The following MAP1B variants were observed in gnomAD, a reference collection of about 807,000 sequenced individuals.
MAP1B encodes microtubule-associated protein 1B.
In MAP1B, 12 loss-of-function variants were observed where a neutral mutation model predicts 176.1. The observed-to-expected ratio is 0.07, with a 90% CI of 0.04 to 0.11. The LOEUF is 0.11. Among genes scored for constraint, MAP1B ranks in the 10% least tolerant of loss-of-function variants. The pLI is 1.00. For missense variants in MAP1B, 2,523 were observed against 2,990.5 expected (o/e 0.84, Z 3.65); for synonymous variants, 1,044 against 1,135.0 (o/e 0.92, Z 1.61).
rs998772542 is a variant in MAP1B at position 72,205,752 on chromosome 5, C to A, written c.*513C>A. The stretch of plus-strand genomic sequence containing the variant: ...GGAGAAAATAAACCAACAATTAGGT[C>A]TGCATTTTCTCAGGCAGTAGGCATT... On this transcript the variant is annotated 3_prime_UTR_variant, in exon 7 of 7. Coordinates refer to ENST00000296755, the MANE Select transcript of MAP1B (RefSeq NM_005909.5). 6.6e-6 allele frequency: 1 copy of A among 152,330 alleles called. No homozygotes were observed. Among genetic ancestry groups the A allele is most frequent in the African/African-American group, 2.4e-5 (1 of 41,418 alleles). 9.4% of individuals were successfully genotyped at this position (152,330 alleles called of 1,614,324 possible).
intron 2 of MAP1B, among the ~76,000 whole-genome samples, chr5:72,154,140 G>A (rs1462985598): frequency 1.3e-5 from 2 of 151,934 alleles, no homozygotes; most frequent in Non-Finnish European, 1.5e-5. Flanking sequence ...TTTATGACTC[G>A]TCTCTTATTC....
At chr5:72,125,288 T>A (rs1156852502) in intron 2 of MAP1B, among the ~76,000 whole-genome samples, 1 of 152,168 alleles carries the variant, frequency 6.6e-6, no homozygotes, top group Non-Finnish European at 1.5e-5. Flanking sequence ...AAGTGCCTTG[T>A]AGTTAGTTTA....
In MAP1B at chr5:72,196,295, G is replaced by C. The variant is rs138902848; in HGVS notation, c.2940G>C (p.Ala980=). 2 of 1,614,096 alleles carry C rather than the reference G, an allele frequency of 1.2e-6. No individual in the cohort carries two copies. Among genetic ancestry groups the C allele is most frequent in the Non-Finnish European group, 1.7e-6 (2 of 1,180,022 alleles). The change falls in exon 5 of 7, where the codon GCG becomes GCC. Residue 980 remains alanine, a synonymous_variant. Coordinates refer to ENST00000296755, the MANE Select transcript of MAP1B (RefSeq NM_005909.5). The surrounding 1 kb of genome is among the most constrained non-coding windows in gnomAD (Gnocchi z 5.3). ...SPTEDEESAK[A]EADAYIREKR... is the part of the protein sequence containing the mutation. ...CTGAGGATGAGGAAAGTGCCAAGGC[G>C]GAGGCTGATGCATACATCAGGGAGA...
chr5:72,171,081 C>T (rs1746527703), intron 2 of MAP1B, among the ~76,000 whole-genome samples: 1 of 152,074 alleles, frequency 6.6e-6, no homozygotes, highest in Admixed American at 6.6e-5. Context: ...GTCAGGACAA[C>T]ATAGAGTAGG....
intron 2 of MAP1B, among the ~76,000 whole-genome samples, chr5:72,175,461 C>T (rs1489624734): frequency 6.6e-6 from 1 of 152,150 alleles, no homozygotes; most frequent in Admixed American, 6.5e-5. Context: ...GCTGGTTCTA[C>T]TTAGGTGCCC....
intron 2 of MAP1B, among the ~76,000 whole-genome samples, chr5:72,130,641 G>A (rs1021559871): frequency 1.3e-5 from 2 of 152,292 alleles, no homozygotes; most frequent in Non-Finnish European, 2.9e-5. Flanking sequence ...CAGTCTAGAA[G>A]CTCTGGTAAA....
intron 2 of MAP1B, among the ~76,000 whole-genome samples, chr5:72,177,997 A>G (rs1160624061): frequency 6.6e-6 from 1 of 151,562 alleles, no homozygotes; most frequent in Non-Finnish European, 1.5e-5. Flanking sequence ...TTCTAATGAA[A>G]AGAGACTTCA....
At chr5:72,185,690 A>T (rs1358635986) in intron 3 of MAP1B, among the ~76,000 whole-genome samples, 1 of 151,956 alleles carries the variant, frequency 6.6e-6, no homozygotes, top group East Asian at 1.9e-4. Flanking sequence ...AAAATATGGA[A>T]TTTTATAAAA....
At chr5:72,175,219 C>G (rs1292987792) in intron 2 of MAP1B, among the ~76,000 whole-genome samples, 1 of 151,840 alleles carries the variant, frequency 6.6e-6, no homozygotes, top group Non-Finnish European at 1.5e-5. Context: ...CGTGCACCAC[C>G]ATGCCTGACG....
intron 2 of MAP1B, among the ~76,000 whole-genome samples, chr5:72,151,447 A>G (rs1746139076): frequency 6.6e-6 from 1 of 152,202 alleles, no homozygotes; most frequent in African/African-American, 2.4e-5. Context: ...ATCATAGAAC[A>G]TAAAGTGAAG....
At chr5:72,165,560 C>A (rs1746411940) in intron 2 of MAP1B, among the ~76,000 whole-genome samples, 1 of 152,010 alleles carries the variant, frequency 6.6e-6, no homozygotes, top group South Asian at 2.1e-4. Context: ...CTGTTCCTGG[C>A]CAAAAACCAG....
chr5:72,110,912 A>G (rs1156792391), intron 1 of MAP1B, among the ~76,000 whole-genome samples: 3 of 152,220 alleles, frequency 2.0e-5, no homozygotes, highest in East Asian at 1.9e-4. Context: ...TCTTGAAACC[A>G]GGGAAGAGAG....
chr5:72,205,305 C>G lies in MAP1B; in HGVS notation c.*66C>G, dbSNP rs1057441356. 2.1e-5 allele frequency: 32 copies of G among 1,525,008 alleles called. No individual in the cohort carries two copies. Among genetic ancestry groups the G allele is most frequent in the Non-Finnish European group, 4.5e-6 (5 of 1,119,912 alleles). 94.5% of individuals were successfully genotyped at this position (1,525,008 alleles called of 1,614,324 possible). A position where few individuals can be genotyped will look rare whatever the true frequency, so the allele number is the denominator to read the frequency against. On this transcript the variant is annotated 3_prime_UTR_variant, in exon 7 of 7. Coordinates refer to ENST00000296755, the MANE Select transcript of MAP1B (RefSeq NM_005909.5). ...CCAGAAATTCTTCAATTTGAAATCA[C>G]CTTTTCTAAAAAGTCAATTCATCTA...
chr5:72,163,381 A>G (rs1746364002), intron 2 of MAP1B, among the ~76,000 whole-genome samples: 1 of 152,018 alleles, frequency 6.6e-6, no homozygotes, highest in Non-Finnish European at 1.5e-5. Flanking sequence ...AAAAGAAGGG[A>G]GGATGTGTGA....
At chr5:72,143,913 TC>T (rs1182350023) in intron 2 of MAP1B, among the ~76,000 whole-genome samples, 1 of 152,164 alleles carries the variant, frequency 6.6e-6, no homozygotes. Context: ...GGTCTTGAAC[TC>T]CTAGGCTCAA....
intron 4 of MAP1B, among the ~76,000 whole-genome samples, chr5:72,192,107 A>T (rs545175606): frequency 6.6e-6 from 1 of 152,360 alleles, no homozygotes; most frequent in South Asian, 2.1e-4. Context: ...TACAGCAGTT[A>T]TTCTAGATTT....
At chr5:72,153,115 C>T (rs557537981) in intron 2 of MAP1B, among the ~76,000 whole-genome samples, 32 of 152,276 alleles carry the variant, frequency 2.1e-4, no homozygotes, top group Admixed American at 4.6e-4. Flanking sequence ...AAGTATTTGC[C>T]GAGCCACCTC....
Position 72,199,296 on chromosome 5 carries a change from A to G in MAP1B, c.5941A>G (p.Arg1981Gly), listed in dbSNP as rs1747266321. Residue 1981 changes from arginine to glycine, a missense_variant, in exon 5 of 7, where the codon AGA becomes GGA. Arg to Gly is a moderately radical substitution (Grantham distance 125). Transcript: ENST00000296755. This position sits in a 1 kb window ranked among gnomAD's most constrained non-coding sequence, Gnocchi z 4.2. Reference sequence around the variant, plus strand: ...CAGCTATGAAAAGACTGAGAGGTCTAGAAGGCTTCTGGATGACATCAGCAA... The same window carrying G: ...CAGCTATGAAAAGACTGAGAGGTCTGGAAGGCTTCTGGATGACATCAGCAA... ...GYSYEKTERS[R>G]RLLDDISNGY... The G allele has an allele frequency of 6.2e-7, 1 of 1,614,074 alleles. No individual in the cohort carries two copies. Among genetic ancestry groups the G allele is most frequent in the African/African-American group, 1.3e-5 (1 of 74,930 alleles).
chr5:72,194,561 A>G lies in MAP1B; in HGVS notation c.1206A>G (p.Val402=). The G allele has an allele frequency of 1.9e-6, 3 of 1,614,142 alleles. No homozygotes were observed. Among genetic ancestry groups the G allele is most frequent in the African/African-American group, 1.3e-5 (1 of 75,054 alleles). The change falls in exon 5 of 7, where the codon GTA becomes GTG. Residue 402 remains valine, a synonymous_variant. Coordinates refer to ENST00000296755, the MANE Select transcript of MAP1B (RefSeq NM_005909.5). This position sits in a 1 kb window ranked among gnomAD's most constrained non-coding sequence, Gnocchi z 7.2. ...SMKPEPLFRS[V]GNTIDPVILF... ...AACCAGAACCTCTGTTTAGAAGTGT[A>G]GGCAATACTATTGATCCTGTCATTC... is the stretch of plus-strand genomic sequence containing the variant.
Sources: allele counts gnomAD v4.1 joint callset (sites outside exome capture counted in the v4.1 genomes callset), GRCh38; gene constraint gnomAD v4.1.1; non-coding constraint Gnocchi (gnomAD v3.1); transcripts MANE v1.5; gene names NCBI Gene and HGNC (gene_info 2026-07-23, HGNC 2026-07-21).